The following PTHLH variants were observed in gnomAD, a reference collection of about 807,000 sequenced individuals.
PTHLH encodes parathyroid hormone like hormone, also known as parathyroid hormone-related protein.
In PTHLH, 5 loss-of-function variants were observed where a neutral mutation model predicts 18.6. The observed-to-expected ratio is 0.27, with a 90% CI of 0.14 to 0.56. PTHLH has a LOEUF of 0.56. Ranked by LOEUF, PTHLH falls within the 20% of genes least tolerant of loss-of-function variation. The pLI is 0.92. For synonymous variants in PTHLH, 90 were observed against 94.0 expected, an observed-to-expected ratio of 0.96 and a Z score of 0.25; for missense variants, 207 against 223.9, an observed-to-expected ratio of 0.92 and a Z score of 0.48.
chr12:27,969,777 C>T (rs1321124105), intron 3 of PTHLH: 2 of 666,850 alleles, frequency 3.0e-6, no homozygotes, highest in Admixed American at 1.8e-5. Flanking sequence ...GGCGCTTCCT[C>T]TGAAATAATA....
intron 4 of PTHLH, among the ~76,000 whole-genome samples, chr12:27,968,459 A>G (rs905100104): frequency 2.0e-5 from 3 of 152,194 alleles, no homozygotes; most frequent in South Asian, 2.1e-4. Flanking sequence ...CTCGAACTTT[A>G]TAGTTTTCCC....
In PTHLH at chr12:27,970,135, C is replaced by G. The variant is rs1204713293; in HGVS notation, c.-133G>C. On this transcript the variant is annotated 5_prime_UTR_variant, in exon 3 of 6. Coordinates refer to ENST00000545234, the MANE Select transcript of PTHLH (RefSeq NM_198965.2). ...GGGCCAGGTGGCGGCGAGGGCGGGT[C>G]GTTAGTGGCAGCCGGAGCGGCAGGG... 9.6e-6 allele frequency: 5 copies of G among 518,440 alleles called. No homozygotes were observed. Among genetic ancestry groups the G allele is most frequent in the Non-Finnish European group, 1.9e-5 (5 of 259,752 alleles). The allele number at this position is 518,440 out of a possible 1,614,324, so 32.1% of individuals were successfully genotyped here.
chr12:27,972,632 T>C lies in PTHLH; in HGVS notation c.-468A>G, dbSNP rs1442149645. 6.6e-6 allele frequency: 1 copy of C among 152,202 alleles called. No homozygotes were observed. The highest frequency in any genetic ancestry group is 1.5e-5 in the Non-Finnish European group (1 of 68,032). The allele number at this position is 152,202 out of a possible 1,614,324, so 9.4% of individuals were successfully genotyped here. On this transcript the variant is annotated 5_prime_UTR_variant, in exon 1 of 6. Transcript: ENST00000545234. Reference sequence around the variant, plus strand: ...TGTTGTTCTTCAGAAAACATAAAATTAAATCTTAAAATGAATTAAAAGCTT... The same window carrying C: ...TGTTGTTCTTCAGAAAACATAAAATCAAATCTTAAAATGAATTAAAAGCTT...
intron 4 of PTHLH, among the ~76,000 whole-genome samples, chr12:27,967,426 T>C (rs117802768): frequency 0.013 from 1,974 of 152,344 alleles, 18 homozygotes; most frequent in Middle Eastern, 0.024. Context: ...TCCCTAATAC[T>C]TGGTGTGAAA....
Position 27,963,640 on chromosome 12 carries a change from C to G in PTHLH, c.232G>C (p.Val78Leu). The G allele has an allele frequency of 6.2e-7, 1 of 1,614,044 alleles. No homozygotes were observed. Among genetic ancestry groups the G allele is most frequent in the Non-Finnish European group, 8.5e-7 (1 of 1,180,002 alleles). ...HTAEIRATSE[V>L]SPNSKPSPNT... ...GGAGAGGGCTTGGAGTTAGGGGACACCTCCGAGGTAGCTCTGATTTCAGCT... is the reference window on the plus strand; with the variant it reads ...GGAGAGGGCTTGGAGTTAGGGGACAGCTCCGAGGTAGCTCTGATTTCAGCT... The change falls in exon 5 of 6, where the codon GTG becomes CTG. Residue 78 changes from valine (V) to leucine (L), a missense_variant. Coordinates refer to ENST00000545234, the MANE Select transcript of PTHLH (RefSeq NM_198965.2).
chr12:27,962,232 C>CTAGATAGATAGATAGA lies in PTHLH; in HGVS notation c.524+1100_524+1115dup, dbSNP rs35742272. Reference sequence around the variant, plus strand: ...TTTTGCCTCATAGAAACATACCCCCCTAGATAGATAGATAGATAGATAGAT... The same window carrying CTAGATAGATAGATAGA: ...TTTTGCCTCATAGAAACATACCCCCCTAGATAGATAGATAGATAGATAGATAGATAGATAGATAGAT... On this transcript the variant is annotated intron_variant, in intron 5 of 5. Transcript: ENST00000545234. The CTAGATAGATAGATAGA allele has an allele frequency of 3.0e-3, 777 of 255,170 alleles. 6 individuals are homozygous for CTAGATAGATAGATAGA. The highest frequency in any genetic ancestry group is 0.016 in the African/African-American group (708 of 44,236). 15.8% of individuals were successfully genotyped at this position (255,170 alleles called of 1,614,324 possible). A position where few individuals can be genotyped will look rare whatever the true frequency, so the allele number is the denominator to read the frequency against.
At chr12:27,963,280 C>T in intron 5 of PTHLH, 68 bp downstream of exon 5, 1 of 1,612,606 alleles carries the variant, frequency 6.2e-7, no homozygotes, top group East Asian at 2.2e-5. Context: ...CAAGCCAAGG[C>T]AGAAGGGAGG....
At chr12:27,969,055 A>G in intron 4 of PTHLH, 1 of 307,972 alleles carries the variant, frequency 3.2e-6, no homozygotes, top group Non-Finnish European at 6.2e-6. Flanking sequence ...GAGTTTCAGA[A>G]GCTTCCCGGG....
rs40411 is a variant in PTHLH at position 27,964,194 on chromosome 12, C to A, written c.102-424G>T. Among the ~76,000 whole-genome samples, 7 of 151,412 alleles carry A rather than the reference C, an allele frequency of 4.6e-5. No homozygotes were observed. In the South Asian group the frequency reaches 1.5e-3, roughly 32 times the overall value. ...TGCTGAGAAAATAAATCTAGAAGTC[C>A]CAGCCTGGGAAATAAAAGGCAGCTG... On this transcript the variant is annotated intron_variant, in intron 4 of 5. Coordinates refer to ENST00000545234, the MANE Select transcript of PTHLH (RefSeq NM_198965.2).
Position 27,970,249 on chromosome 12 carries a change from C to T in PTHLH, c.-247G>A. ...GTTGAAAACCGAGCGGAGGAATGTT[C>T]ACACGCTCCGAGGCAAACCTGCCGG... On this transcript the variant is annotated 5_prime_UTR_variant, in exon 3 of 6. Coordinates refer to ENST00000545234, the MANE Select transcript of PTHLH (RefSeq NM_198965.2). 1 of 454,126 alleles carries T rather than the reference C, an allele frequency of 2.2e-6. No individual in the cohort carries two copies. The highest frequency in any genetic ancestry group is 1.6e-5 in the South Asian group (1 of 62,056). The allele number at this position is 454,126 out of a possible 1,614,324, so 28.1% of individuals were successfully genotyped here.
intron 2 of PTHLH, among the ~76,000 whole-genome samples, chr12:27,970,891 G>C (rs2062866400): frequency 6.6e-6 from 1 of 152,224 alleles, no homozygotes; most frequent in Non-Finnish European, 1.5e-5. Context: ...ACTGAGTGGG[G>C]AGCATCGGCT....
chr12:27,958,775 C>T (rs1045023408), intron 5 of PTHLH, among the ~76,000 whole-genome samples: 2 of 152,224 alleles, frequency 1.3e-5, no homozygotes, highest in African/African-American at 4.8e-5. Flanking sequence ...GGGTCTTCAA[C>T]CTGACTTAGC....
intron 5 of PTHLH, chr12:27,963,049 G>A (rs1192079628): frequency 3.1e-6 from 4 of 1,280,694 alleles, no homozygotes; most frequent in Non-Finnish European, 4.0e-6. Context: ...ACTAGCTTCT[G>A]AAGCTTGAAT....
chr12:27,964,654 T>C (rs2062796433), intron 4 of PTHLH, among the ~76,000 whole-genome samples: 1 of 152,198 alleles, frequency 6.6e-6, no homozygotes, highest in African/African-American at 2.4e-5. Flanking sequence ...TACTACTTAG[T>C]TGAGAAGTTC....
At chr12:27,968,191 A>G in intron 4 of PTHLH, among the ~76,000 whole-genome samples, 1 of 152,204 alleles carries the variant, frequency 6.6e-6, no homozygotes, top group East Asian at 1.9e-4. Context: ...GTTCTACACA[A>G]TTTGCCTTAG....
intron 2 of PTHLH, among the ~76,000 whole-genome samples, chr12:27,970,582 A>G (rs2062862874): frequency 6.6e-6 from 1 of 151,838 alleles, no homozygotes. Flanking sequence ...TGCTCCCTCC[A>G]GGCCCGGCCG....
At chr12:27,969,598 G>A in intron 3 of PTHLH, 82 bp from the exon 4 acceptor site, 3 of 1,244,156 alleles carry the variant, frequency 2.4e-6, no homozygotes, top group East Asian at 2.4e-5. Flanking sequence ...TTTTTAGCCC[G>A]CTCTCAAAAA....
At chr12:27,958,984 T>C (rs914837467) in intron 5 of PTHLH, among the ~76,000 whole-genome samples, 2 of 152,256 alleles carry the variant, frequency 1.3e-5, no homozygotes, top group Non-Finnish European at 2.9e-5. Context: ...CAGTGACACC[T>C]GAATTAGGCA....
At position 27,958,240 on chromosome 12, in the gene PTHLH, A is replaced by G. The variant is rs2062727575; in HGVS notation, c.*319T>C. 4.7e-6 allele frequency: 1 copy of G among 211,806 alleles called. No homozygotes were observed. The highest frequency in any genetic ancestry group is 2.3e-5 in the African/African-American group (1 of 43,810). The allele number at this position is 211,806 out of a possible 1,614,324, so 13.1% of individuals were successfully genotyped here. On this transcript the variant is annotated 3_prime_UTR_variant, in exon 6 of 6. Coordinates refer to ENST00000545234, the MANE Select transcript of PTHLH (RefSeq NM_198965.2). ...GAGACACTTCATTGTGTCATTTATCAACATACTTGATATGTATATCTAAAG... is the reference window on the plus strand; with the variant it reads ...GAGACACTTCATTGTGTCATTTATCGACATACTTGATATGTATATCTAAAG...
Sources: gnomAD v4.1 joint callset for allele counts (sites outside exome capture counted in the v4.1 genomes callset) on GRCh38, gnomAD v4.1.1 for gene constraint, MANE v1.5 for transcripts, NCBI Gene and HGNC (gene_info 2026-07-23, HGNC 2026-07-21) for gene names.